The following ST18 variants were observed in gnomAD, a reference collection of about 807,000 sequenced individuals.
The protein encoded by ST18 is ST18 C2H2C-type zinc finger transcription factor.
ST18 carries 50 observed loss-of-function variants against 110.0 expected under a neutral mutation model. The observed-to-expected ratio is 0.45, with a 90% CI of 0.36 to 0.58. The LOEUF is 0.58. ST18 is among the 20% of genes least tolerant of loss of function. The pLI is 0.00. For synonymous variants in ST18, 461 were observed against 452.4 expected (o/e 1.02, Z -0.24); for missense variants, 1,306 against 1,280.1 (o/e 1.02, Z -0.31).
intron 16 of ST18, among the ~76,000 whole-genome samples, chr8:52,145,216 C>T (rs926605170): frequency 2.0e-5 from 3 of 151,712 alleles, no homozygotes; most frequent in Non-Finnish European, 4.4e-5. Context: ...TTATGGAAGG[C>T]AAGAGAATGG....
intron 2 of ST18, among the ~76,000 whole-genome samples, chr8:52,365,624 A>G (rs368119863): frequency 3.4e-4 from 52 of 152,224 alleles, no homozygotes; most frequent in African/African-American, 1.2e-3. Flanking sequence ...TGAGTATACT[A>G]TAACACATCA....
At chr8:52,282,948 G>A (rs114416325) in intron 2 of ST18, among the ~76,000 whole-genome samples, 1 of 152,144 alleles carries the variant, frequency 6.6e-6, no homozygotes, top group African/African-American at 2.4e-5. Context: ...TTTTAAAGAG[G>A]TACTCTGGCT....
intron 7 of ST18, among the ~76,000 whole-genome samples, chr8:52,212,353 G>T (rs1336000017): frequency 6.6e-6 from 1 of 152,110 alleles, no homozygotes; most frequent in East Asian, 1.9e-4. Flanking sequence ...GACTTTCCAG[G>T]TACCTGTCCT....
At chr8:52,382,307 C>T (rs1258685517) in intron 2 of ST18, among the ~76,000 whole-genome samples, 1 of 152,178 alleles carries the variant, frequency 6.6e-6, no homozygotes, top group African/African-American at 2.4e-5. Context: ...AGAGGGCAGC[C>T]TCCTGCCTCA....
chr8:52,276,956 G>A (rs1218831482), intron 2 of ST18, among the ~76,000 whole-genome samples: 1 of 151,970 alleles, frequency 6.6e-6, no homozygotes, highest in Non-Finnish European at 1.5e-5. Context: ...TAGTAGAGAC[G>A]GGGTTTTGCC....
At chr8:52,275,794 C>T (rs1016049223) in intron 2 of ST18, among the ~76,000 whole-genome samples, 9 of 152,064 alleles carry the variant, frequency 5.9e-5, no homozygotes, top group Non-Finnish European at 1.3e-4. Flanking sequence ...TGAGACAGTG[C>T]TTCCCATGCC....
intron 2 of ST18, among the ~76,000 whole-genome samples, chr8:52,260,917 G>T (rs992264078): frequency 1.3e-5 from 2 of 152,208 alleles, no homozygotes; most frequent in African/African-American, 2.4e-5. Context: ...ATTCTCTGCA[G>T]CTTCCACAAT....
intron 2 of ST18, among the ~76,000 whole-genome samples, chr8:52,368,729 A>G (rs1829134903): frequency 6.6e-6 from 1 of 152,200 alleles, no homozygotes; most frequent in South Asian, 2.1e-4. Context: ...TACTTCAAAC[A>G]TCTAAAAAAA....
At chr8:52,195,149 G>A (rs567312622) in intron 8 of ST18, among the ~76,000 whole-genome samples, 5 of 152,236 alleles carry the variant, frequency 3.3e-5, no homozygotes, top group Admixed American at 1.3e-4. Flanking sequence ...CTTCAAAAAC[G>A]TAATATGATG....
At chr8:52,306,823 C>A (rs2095820897) in intron 2 of ST18, among the ~76,000 whole-genome samples, 2 of 152,126 alleles carry the variant, frequency 1.3e-5, no homozygotes, top group Admixed American at 1.3e-4. Flanking sequence ...ATTTCCCAAA[C>A]TTTGATGGGA....
chr8:52,337,170 T>C (rs1812501737), intron 2 of ST18, among the ~76,000 whole-genome samples: 1 of 152,242 alleles, frequency 6.6e-6, no homozygotes, highest in Non-Finnish European at 1.5e-5. Flanking sequence ...AAAGGTTGCT[T>C]AATGATCATT....
chr8:52,295,466 C>A (rs978627942), intron 2 of ST18, among the ~76,000 whole-genome samples: 4 of 151,996 alleles, frequency 2.6e-5, no homozygotes, highest in African/African-American at 9.7e-5. Flanking sequence ...TAATGACCTT[C>A]GAAATTCAGA....
chr8:52,204,097 G>A (rs2079052316), intron 8 of ST18, among the ~76,000 whole-genome samples: 1 of 152,138 alleles, frequency 6.6e-6, no homozygotes, highest in Admixed American at 6.6e-5. Flanking sequence ...CTTCTAAGAG[G>A]TAAAAACAAA....
At chr8:52,153,209 T>C (rs577802068) in intron 15 of ST18, among the ~76,000 whole-genome samples, 33 of 152,364 alleles carry the variant, frequency 2.2e-4, no homozygotes, top group African/African-American at 7.0e-4. Flanking sequence ...GTGAAAATTA[T>C]TAATTTTCCA....
intron 2 of ST18, among the ~76,000 whole-genome samples, chr8:52,334,292 G>T (rs1037211623): frequency 7.2e-5 from 11 of 152,116 alleles, no homozygotes; most frequent in African/African-American, 2.4e-4. Context: ...GGCAAATTCT[G>T]TTTCCTAATT....
chr8:52,363,432 A>C (rs1826566271), intron 2 of ST18, among the ~76,000 whole-genome samples: 1 of 152,130 alleles, frequency 6.6e-6, no homozygotes, highest in Admixed American at 6.5e-5. Context: ...TTAATTAATA[A>C]AACAATCACA....
intron 2 of ST18, among the ~76,000 whole-genome samples, chr8:52,274,677 A>G (rs1030297720): frequency 2.0e-5 from 3 of 152,210 alleles, no homozygotes; most frequent in African/African-American, 7.2e-5. Flanking sequence ...ATTGTATTGC[A>G]TTCTAGTTGC....
At chr8:52,351,980 A>G (rs912670326) in intron 2 of ST18, among the ~76,000 whole-genome samples, 2 of 152,232 alleles carry the variant, frequency 1.3e-5, no homozygotes, top group African/African-American at 4.8e-5. Flanking sequence ...AAAAATTTAT[A>G]TGCAAGTAGC....
chr8:52,212,990 T>C (rs528895753), intron 7 of ST18, among the ~76,000 whole-genome samples: 2 of 152,296 alleles, frequency 1.3e-5, no homozygotes, highest in East Asian at 1.9e-4. Flanking sequence ...TTATTCCAAA[T>C]AGTGAGACAA....
Sources: allele counts gnomAD v4.1 joint callset (sites outside exome capture counted in the v4.1 genomes callset), GRCh38; gene constraint gnomAD v4.1.1; transcripts MANE v1.5; gene names NCBI Gene and HGNC (gene_info 2026-07-23, HGNC 2026-07-21).